The following MGAT5 variants were observed in gnomAD, a reference collection of about 807,000 sequenced individuals.
MGAT5 encodes alpha-1,6-mannosylglycoprotein 6-beta-N-acetylglucosaminyltransferase A.
In MGAT5, 30 loss-of-function variants were observed where a neutral mutation model predicts 94.3. The ratio of observed to expected loss-of-function variants is 0.32; its 90% confidence interval spans 0.24 to 0.43. The LOEUF is 0.43. MGAT5 is among the 20% of genes least tolerant of loss of function. MGAT5 has a pLI of 1.00. For missense variants in MGAT5, 691 were observed against 905.5 expected (o/e 0.76, Z 3.04); for synonymous variants, 310 against 322.9 (o/e 0.96, Z 0.43).
At chr2:134,338,857 G>GA (rs531250262) in intron 6 of MGAT5, among the ~76,000 whole-genome samples, 3,484 of 151,770 alleles carry the variant, frequency 0.023, 129 homozygotes, top group African/African-American at 0.077. Flanking sequence ...TGCCCGTAGG[G>GA]GAGAGAGAGA....
chr2:134,388,759 T>A (rs1378375036), intron 10 of MGAT5, among the ~76,000 whole-genome samples: 3 of 147,718 alleles, frequency 2.0e-5, no homozygotes, highest in Non-Finnish European at 4.5e-5. Context: ...TCAGGTTTGA[T>A]TTTTTTGGGG....
chr2:134,181,847 T>C (rs1490551116), intron 1 of MGAT5, among the ~76,000 whole-genome samples: 1 of 152,252 alleles, frequency 6.6e-6, no homozygotes, highest in Admixed American at 6.5e-5. Context: ...TTTAGAATTG[T>C]TGGAGCTTCC....
intron 1 of MGAT5, among the ~76,000 whole-genome samples, chr2:134,264,303 T>C (rs1411623410): frequency 6.6e-6 from 1 of 152,212 alleles, no homozygotes; most frequent in Non-Finnish European, 1.5e-5. Context: ...ATTACAGGCA[T>C]GAGCCACCGC....
chr2:134,342,189 G>C (rs1688672388), intron 7 of MGAT5, among the ~76,000 whole-genome samples: 1 of 152,252 alleles, frequency 6.6e-6, no homozygotes, highest in Admixed American at 6.5e-5. Context: ...TTTCCTGAAA[G>C]CCCTGAGCTG....
Position 134,343,532 on chromosome 2 carries a change from G to A in MGAT5, c.978-1398G>A, listed in dbSNP as rs974026546. 3.3e-5 allele frequency among the ~76,000 whole-genome samples: 5 copies of A among 152,146 alleles called. No individual in the cohort carries two copies. The South Asian group carries it at 6.2e-4, about 19-fold the overall frequency. On this transcript the variant is annotated intron_variant, in intron 7 of 15. Transcript: ENST00000281923. ...CAGTGGTCTTTAAATATATCTGTAC[G>A]TTAGAACCACCTGGAGATCTTTGTA... is the stretch of plus-strand genomic sequence containing the variant.
chr2:134,217,705 C>T (rs111650681), intron 1 of MGAT5, among the ~76,000 whole-genome samples: 1 of 152,192 alleles, frequency 6.6e-6, no homozygotes, highest in African/African-American at 2.4e-5. Context: ...TGGGGCTCAC[C>T]TCCTGCTGTG....
chr2:134,448,837 A>T lies in MGAT5; in HGVS notation c.2216A>T (p.Asp739Val). ...AAGGGCCAGGTGGCTCTCTGCAAAGACTGCCTATAGCAGCTACCTGCTCAG... is the reference window on the plus strand; with the variant it reads ...AAGGGCCAGGTGGCTCTCTGCAAAGTCTGCCTATAGCAGCTACCTGCTCAG... ...FIKGQVALCK[D>V]CL The change falls in exon 16 of 16, where the codon GAC becomes GTC. Residue 739 changes from aspartate to valine, a missense_variant. Physicochemically the swap from Asp to Val is radical, Grantham distance 152. Transcript: ENST00000281923. 6.2e-7 allele frequency: 1 copy of T among 1,613,240 alleles called. No individual in the cohort carries two copies. Among genetic ancestry groups the T allele is most frequent in the African/African-American group, 1.3e-5 (1 of 75,042 alleles).
intron 8 of MGAT5, among the ~76,000 whole-genome samples, chr2:134,346,068 G>A (rs993359045): frequency 2.6e-5 from 4 of 152,222 alleles, no homozygotes; most frequent in African/African-American, 9.6e-5. Flanking sequence ...TCTACCTTTT[G>A]CATGAGGTGT....
intron 1 of MGAT5, among the ~76,000 whole-genome samples, chr2:134,180,099 GA>G (rs1688663901): frequency 6.6e-6 from 1 of 152,158 alleles, no homozygotes; most frequent in East Asian, 1.9e-4. Flanking sequence ...TCAGTTCCAG[GA>G]GCTCCCCACC....
chr2:134,181,122 TC>T (rs1401339006), intron 1 of MGAT5, among the ~76,000 whole-genome samples: 1 of 152,202 alleles, frequency 6.6e-6, no homozygotes, highest in Non-Finnish European at 1.5e-5. Context: ...TGTGTACTCT[TC>T]CAAAGATGTT....
chr2:134,216,480 C>CA (rs1381905205), intron 1 of MGAT5, among the ~76,000 whole-genome samples: 3 of 152,172 alleles, frequency 2.0e-5, no homozygotes, highest in Non-Finnish European at 4.4e-5. Context: ...TCTTCCTTAC[C>CA]ATGGAGTCCA....
chr2:134,351,190 TAC>T, intron 9 of MGAT5, among the ~76,000 whole-genome samples: 1 of 152,306 alleles, frequency 6.6e-6, no homozygotes, highest in East Asian at 1.9e-4. Flanking sequence ...ATCCTGCTAT[TAC>T]ACACCGTCCC....
At chr2:134,434,431 G>GT (rs997956216) in intron 14 of MGAT5, among the ~76,000 whole-genome samples, 2 of 152,216 alleles carry the variant, frequency 1.3e-5, no homozygotes, top group Admixed American at 6.5e-5. Context: ...TGAAATAATT[G>GT]TTAGGGAAGG....
intron 1 of MGAT5, among the ~76,000 whole-genome samples, chr2:134,185,400 C>CGTTG (rs1276664081): frequency 6.6e-6 from 1 of 152,112 alleles, no homozygotes; most frequent in East Asian, 1.9e-4. Flanking sequence ...AAATGCTTGA[C>CGTTG]GTTGAGCTGA....
chr2:134,143,221 G>C (rs1686742865), intron 1 of MGAT5, among the ~76,000 whole-genome samples: 2 of 152,152 alleles, frequency 1.3e-5, no homozygotes. Context: ...GGTTTTATTT[G>C]GTGGGGGGAT....
rs1553490380 is a variant in MGAT5 at position 134,189,602 on chromosome 2, G to GTTTTGTTTTGTTTTGTTT, written c.-142-64656_-142-64655insGTTTTGTTTTGTTTTTTT. 2.7e-3 allele frequency among the ~76,000 whole-genome samples: 229 copies of GTTTTGTTTTGTTTTGTTT among 84,654 alleles called. 6 individuals carry two copies. Among genetic ancestry groups the GTTTTGTTTTGTTTTGTTT allele is most frequent in the Non-Finnish European group, 2.8e-3 (121 of 43,582 alleles). 55.5% of individuals were successfully genotyped at this position (84,654 alleles called of 152,430 possible). ...AACCTCATGGCTCTAGTTTTTTTTT[G>GTTTTGTTTTGTTTTGTTT]TTTTTTTTTTTTTTTTTTAAGACAG... On this transcript the variant is annotated intron_variant, in intron 1 of 16. Coordinates refer to the MGAT5 transcript ENST00000409645.
At chr2:134,176,193 A>T (rs1458415535) in intron 1 of MGAT5, among the ~76,000 whole-genome samples, 1 of 151,888 alleles carries the variant, frequency 6.6e-6, no homozygotes, top group Non-Finnish European at 1.5e-5. Context: ...CCTGAGAGTA[A>T]AGCAGGAAGG....
chr2:134,213,020 T>G (rs1370651075), intron 1 of MGAT5, among the ~76,000 whole-genome samples: 1 of 152,220 alleles, frequency 6.6e-6, no homozygotes, highest in Non-Finnish European at 1.5e-5. Context: ...ATTGAAATAC[T>G]GTTTTGCTGT....
At chr2:134,214,603 T>C (rs541033514) in intron 1 of MGAT5, among the ~76,000 whole-genome samples, 1 of 152,052 alleles carries the variant, frequency 6.6e-6, no homozygotes, top group Admixed American at 6.5e-5. Context: ...TGGAAGCTCT[T>C]TGGAAGGGAA....
Sources: allele counts gnomAD v4.1 joint callset (sites outside exome capture counted in the v4.1 genomes callset), GRCh38; gene constraint gnomAD v4.1.1; transcripts MANE v1.5; gene names NCBI Gene and HGNC (gene_info 2026-07-23, HGNC 2026-07-21).